Variants in ZNF30 observed in about 807,000 individuals in gnomAD.
The protein encoded by ZNF30 is zinc finger protein 30 (KOX 28).
Under a neutral mutation model 13.2 loss-of-function variants are expected in ZNF30, and 15 were observed. The observed-to-expected ratio is 1.13, with a 90% confidence interval of 0.76 to 1.75. The LOEUF (loss-of-function observed/expected upper bound fraction) is 1.75. ZNF30 is among the 40% of genes most tolerant of loss of function. ZNF30 has a pLI of 0.00. For synonymous variants in ZNF30, 223 were observed against 256.6 expected, an observed-to-expected ratio of 0.87 and a Z score of 1.25; for missense variants, 726 against 757.0, an observed-to-expected ratio of 0.96 and a Z score of 0.48.
upstream of ZNF30, chr19:34,926,813 G>T (rs2012092546): frequency 2.5e-6 from 1 of 396,058 alleles, no homozygotes; most frequent in African/African-American, 2.1e-5. Flanking sequence ...CAGCTTCGAG[G>T]TCTATGGCTC....
rs768896745 is a variant in ZNF30 at position 34,932,115 on chromosome 19, A to G, written c.160+122A>G. On this transcript the variant is annotated intron_variant, in intron 3 of 4. Coordinates refer to ENST00000601142, the MANE Select transcript of ZNF30 (RefSeq NM_194325.3). ...TTCTTGTTGCCAGAGAAATGATTTG[A>G]GCTTTGTTAGGTTGGAAATGATCCA... 3.1e-6 allele frequency: 3 copies of G among 965,428 alleles called. No individual in the cohort carries two copies. In the Admixed American group the frequency reaches 1.2e-4, roughly 38 times the overall value. 59.8% of individuals were successfully genotyped at this position (965,428 alleles called of 1,614,324 possible).
chr19:34,933,813 G>A, intron 4 of ZNF30, 90 bp downstream of exon 4: 2 of 922,696 alleles, frequency 2.2e-6, no homozygotes, highest in Non-Finnish European at 3.4e-6. Context: ...ATGTTTGGAG[G>A]TTTCCCTTCA....
At chr19:34,935,923 C>T (rs371025408) in intron 4 of ZNF30, among the ~76,000 whole-genome samples, 86 of 152,118 alleles carry the variant, frequency 5.7e-4, no homozygotes, top group African/African-American at 1.7e-3. Context: ...ACAATCATGG[C>T]GGAAGGTAAA....
At chr19:34,926,218 C>G (rs2012068931), upstream of ZNF30, among the ~76,000 whole-genome samples, 1 of 152,138 alleles carries the variant, frequency 6.6e-6, no homozygotes, top group South Asian at 2.1e-4. Context: ...AGCTGACAGT[C>G]AAGGTGAATT....
rs2012120187 is a variant in ZNF30, at chr19:34,927,203, G to A, written c.-78G>A. The A allele has an allele frequency of 5.2e-6, 2 of 384,610 alleles. No individual in the cohort carries two copies. The highest frequency in any genetic ancestry group is 9.2e-6 in the Non-Finnish European group (2 of 217,608). The allele number at this position is 384,610 out of a possible 1,614,324, so 23.8% of individuals were successfully genotyped here. A position where few individuals can be genotyped will look rare whatever the true frequency, so the allele number is the denominator to read the frequency against. On this transcript the variant is annotated 5_prime_UTR_variant, in exon 1 of 5. Transcript: ENST00000601142. ...GCAGACCTGTGTCGGCGCGGAACCCGGACTGAGACATGCGTGAGCGTTGGG... is the reference window on the plus strand; with the variant it reads ...GCAGACCTGTGTCGGCGCGGAACCCAGACTGAGACATGCGTGAGCGTTGGG...
intron 4 of ZNF30, among the ~76,000 whole-genome samples, chr19:34,942,221 C>T (rs981804654): frequency 5.9e-5 from 9 of 151,850 alleles, no homozygotes; most frequent in Non-Finnish European, 8.8e-5. Flanking sequence ...AGTGGGAGGA[C>T]GACTTGAGCC....
At position 34,929,951 on chromosome 19, in the gene ZNF30, G is replaced by A. The variant is rs1053612980; in HGVS notation, c.4G>A (p.Ala2Thr). The change falls in exon 2 of 5, where the codon GCC (alanine) becomes ACC (threonine). Residue 2 changes from alanine (A) to threonine (T), a missense_variant. By Grantham distance (58) the Ala-to-Thr change is moderately conservative. Transcript: ENST00000601142. M[A>T]HKYVGLQYHG... is the part of the protein sequence containing the mutation. ...CAGTTCTTACAATTCTCAAAGCATGGCCCATGTAAGTTGGTGTTTCTTCTT... is the reference window on the plus strand; with the variant it reads ...CAGTTCTTACAATTCTCAAAGCATGACCCATGTAAGTTGGTGTTTCTTCTT... The A allele has an allele frequency of 1.9e-6, 3 of 1,607,056 alleles. No individual in the cohort carries two copies. The highest frequency in any genetic ancestry group is 2.7e-5 in the African/African-American group (2 of 74,792).
rs1435667756 is a variant in ZNF30 at position 34,944,586 on chromosome 19, T to TG, written c.1621dup (p.Glu541GlyfsTer3). 1 of 1,614,154 alleles carries TG rather than the reference T, an allele frequency of 6.2e-7. No individual in the cohort carries two copies. The highest frequency in any genetic ancestry group is 1.7e-5 in the Admixed American group (1 of 59,998). On this transcript the variant is annotated frameshift_variant, in exon 5 of 5. Transcript: ENST00000601142. LOFTEE classifies it low-confidence loss of function (END_TRUNC). ...GAATTCATACTGGGGAGAAACCCTATGAATGTAACAAATGTGGGAAAGCCT... is the reference window on the plus strand; with the variant it reads ...GAATTCATACTGGGGAGAAACCCTATGGAATGTAACAAATGTGGGAAAGCCT...
intron 3 of ZNF30, 34 bp downstream of exon 3, chr19:34,932,027 G>T: frequency 6.5e-7 from 1 of 1,539,938 alleles, no homozygotes; most frequent in Non-Finnish European, 8.7e-7. Flanking sequence ...TTGAGAATCT[G>T]CTCCCTGTTA....
chr19:34,929,231 C>G (rs1279599198), intron 1 of ZNF30, among the ~76,000 whole-genome samples: 1 of 152,276 alleles, frequency 6.6e-6, no homozygotes, highest in South Asian at 2.1e-4. Context: ...TGCCGTGAGC[C>G]AAGATGGCGC....
At chr19:34,934,861 C>T (rs1037317765) in intron 4 of ZNF30, among the ~76,000 whole-genome samples, 5 of 152,182 alleles carry the variant, frequency 3.3e-5, no homozygotes, top group Non-Finnish European at 5.9e-5. Context: ...AGCAAACAAC[C>T]GTGGCACATG....
chr19:34,932,241 G>A (rs898577525), intron 3 of ZNF30, among the ~76,000 whole-genome samples: 1 of 152,186 alleles, frequency 6.6e-6, no homozygotes, highest in Non-Finnish European at 1.5e-5. Context: ...AATGCTCTGT[G>A]AAAATCTGAC....
upstream of ZNF30, among the ~76,000 whole-genome samples, chr19:34,925,744 A>C (rs2012046550): frequency 6.6e-6 from 1 of 152,110 alleles, no homozygotes; most frequent in East Asian, 1.9e-4. Context: ...TCCTGTACCC[A>C]GCACCTCCCT....
At chr19:34,932,040 C>T in intron 3 of ZNF30, 47 bp downstream of exon 3, 2 of 1,486,498 alleles carry the variant, frequency 1.3e-6, no homozygotes, top group South Asian at 1.5e-5. Flanking sequence ...CCCTGTTATA[C>T]TTTCTCCTTT....
intron 3 of ZNF30, 105 bp downstream of exon 3, chr19:34,932,098 GC>G: frequency 9.3e-7 from 1 of 1,070,234 alleles, no homozygotes; most frequent in Non-Finnish European, 1.3e-6. Flanking sequence ...TCTTCTTGTT[GC>G]CAGAGAAATG....
At chr19:34,932,749 A>G (rs2012519291) in intron 3 of ZNF30, among the ~76,000 whole-genome samples, 1 of 151,882 alleles carries the variant, frequency 6.6e-6, no homozygotes, top group South Asian at 2.1e-4. Context: ...TAGGTTCCAC[A>G]ATCCGCGTTC....
rs767612712 is a variant in ZNF30 at position 34,943,350 on chromosome 19, C to T, written c.384C>T (p.Thr128=). 24 of 1,613,696 alleles carry T rather than the reference C, an allele frequency of 1.5e-5. No homozygotes were observed. The Admixed American group carries it at 3.5e-4, about 24-fold the overall frequency. ...KPRECQEYGK[T]LCQDSKPVQH... is the part of the protein sequence containing the mutation. ...GTGAATGTCAGGAATATGGAAAGAC[C>T]CTTTGTCAAGACTCAAAGCCTGTTC... The change falls in exon 5 of 5, where the codon ACC becomes ACT. Residue 128 remains threonine (T), a synonymous_variant. Coordinates refer to ENST00000601142, the MANE Select transcript of ZNF30 (RefSeq NM_194325.3).
intron 1 of ZNF30, among the ~76,000 whole-genome samples, chr19:34,929,182 C>G (rs755812726): frequency 3.3e-5 from 5 of 152,126 alleles, no homozygotes; most frequent in Non-Finnish European, 7.3e-5. Context: ...GGGAGGGAGG[C>G]AGAGGCAGGA....
rs372919194 is a variant in ZNF30 at position 34,944,389 on chromosome 19, C to T, written c.1423C>T (p.Arg475Trp). The change falls in exon 5 of 5, where the codon CGG becomes TGG. Residue 475 changes from arginine to tryptophan, a missense_variant. Arg to Trp is a moderately radical substitution (Grantham distance 101, BLOSUM62 -3). Transcript: ENST00000601142. Reference sequence around the variant, plus strand: ...AGTGCACGTACATCTCACACAGCATCGGAAAATTCATACTGATGTAAAGCC... The same window carrying T: ...AGTGCACGTACATCTCACACAGCATTGGAAAATTCATACTGATGTAAAGCC... The part of the protein sequence containing the change: ...FRVHVHLTQH[R>W]KIHTDVKPYE... 63 of 1,614,000 alleles carry T rather than the reference C, an allele frequency of 3.9e-5. No individual in the cohort carries two copies. The highest frequency in any genetic ancestry group is 1.5e-4 in the African/African-American group (11 of 74,874).
Sources: allele counts gnomAD v4.1 joint callset (sites outside exome capture counted in the v4.1 genomes callset), GRCh38; gene constraint gnomAD v4.1.1; transcripts MANE v1.5; gene names NCBI Gene and HGNC (gene_info 2026-07-23, HGNC 2026-07-21).